KATNAL2: variants seen among roughly 807,000 people sequenced by gnomAD.
The protein encoded by KATNAL2 is katanin p60 ATPase-containing subunit A-like 2.
Under a neutral mutation model 76.3 loss-of-function variants are expected in KATNAL2, and 52 were observed. The ratio of observed to expected loss-of-function variants is 0.68; its 90% CI spans 0.55 to 0.86. The LOEUF is 0.86. Among genes scored for constraint, KATNAL2 ranks in the 40% least tolerant of loss-of-function variants. The probability of loss-of-function intolerance (pLI) is 0.00; values close to 1 mark genes in which losing one functional copy is unlikely to be tolerated. For synonymous variants in KATNAL2, 243 were observed against 244.2 expected, an observed-to-expected ratio of 1.00 and a Z score of 0.05; for missense variants, 660 against 668.9, an observed-to-expected ratio of 0.99 and a Z score of 0.15.
At chr18:47,093,401 CTT>C (rs557793941) in intron 15 of KATNAL2, among the ~76,000 whole-genome samples, 47 of 127,678 alleles carry the variant, frequency 3.7e-4, no homozygotes, top group Middle Eastern at 4.1e-3. Flanking sequence ...TTTCTCTGTC[CTT>C]TTTTTTTTTT....
chr18:47,082,254 C>T (rs1309462303), intron 15 of KATNAL2, among the ~76,000 whole-genome samples: 1 of 152,164 alleles, frequency 6.6e-6, no homozygotes, highest in East Asian at 1.9e-4. Flanking sequence ...TGGGACTGTC[C>T]TGTGCATTGA....
chr18:47,032,934 C>T (rs1214237174), intron 3 of KATNAL2: 12 of 1,611,020 alleles, frequency 7.4e-6, no homozygotes, highest in South Asian at 1.1e-5. Context: ...AAGTTTCGTT[C>T]CCCAACCCGC....
chr18:46,935,567 G>T (rs991897657), intron 1 of KATNAL2, among the ~76,000 whole-genome samples: 1 of 152,074 alleles, frequency 6.6e-6, no homozygotes, highest in African/African-American at 2.4e-5. Flanking sequence ...CGTACTACAG[G>T]CATGTGCCAC....
chr18:47,063,379 A>G lies in KATNAL2; in HGVS notation c.726+18A>G, dbSNP rs771246756. ...TGAGCCGGGTAAGATCTGATATTCA[A>G]TTCACAAATTTATGGAGGCAGGCTG... On this transcript the variant is annotated intron_variant, in intron 10 of 17. Coordinates refer to ENST00000683218, the MANE Select transcript of KATNAL2 (RefSeq NM_001387690.1). 1.6e-5 allele frequency: 25 copies of G among 1,606,246 alleles called. No homozygotes were observed. Among genetic ancestry groups the G allele is most frequent in the Non-Finnish European group, 2.1e-5 (25 of 1,174,340 alleles).
chr18:47,048,063 G>A (rs2061217434), intron 4 of KATNAL2, among the ~76,000 whole-genome samples: 1 of 152,110 alleles, frequency 6.6e-6, no homozygotes, highest in Non-Finnish European at 1.5e-5. Flanking sequence ...ACTGCTTAGA[G>A]GTCTTTTTGG....
At chr18:47,069,353 C>G (rs2061918527) in intron 12 of KATNAL2, 70 bp downstream of exon 12, 7 of 1,420,900 alleles carry the variant, frequency 4.9e-6, no homozygotes, top group African/African-American at 4.2e-5. Context: ...CCCTTCTGTC[C>G]TCACTTCAGG....
At chr18:47,100,212 A>G (rs1216853296) in intron 16 of KATNAL2, 42 bp from the exon 17 acceptor site, 1 of 1,424,232 alleles carries the variant, frequency 7.0e-7, no homozygotes, top group East Asian at 2.3e-5. Flanking sequence ...GGCCAGGAGC[A>G]TTCTGCCCAC....
chr18:47,046,943 C>CT lies in KATNAL2; in HGVS notation c.122+425dup, dbSNP rs200863941. ...CCTGCCCCAACAACCCAGACATACACTTTTTTTTTCTTTTGAGACAGTGTC... is the reference window on the plus strand; with the variant it reads ...CCTGCCCCAACAACCCAGACATACACTTTTTTTTTTCTTTTGAGACAGTGTC... On this transcript the variant is annotated intron_variant, in intron 4 of 17. Transcript: ENST00000683218. Among the ~76,000 whole-genome samples the CT allele has an allele frequency of 1.8e-3, 277 of 151,868 alleles. 1 individual carries two copies. The highest frequency in any genetic ancestry group is 7.0e-3 in the East Asian group (36 of 5,170).
chr18:47,072,815 A>G (rs1314598432), intron 13 of KATNAL2, among the ~76,000 whole-genome samples: 2 of 152,150 alleles, frequency 1.3e-5, no homozygotes, highest in Non-Finnish European at 2.9e-5. Flanking sequence ...CCAACTTAAT[A>G]TATATAACTT....
intron 8 of KATNAL2, among the ~76,000 whole-genome samples, chr18:47,061,227 T>C (rs1224295354): frequency 6.6e-6 from 1 of 152,220 alleles, no homozygotes; most frequent in Admixed American, 6.5e-5. Flanking sequence ...GAGTAGTTTA[T>C]AAAGAAAAGA....
In KATNAL2 at chr18:47,069,562, G is replaced by T. The variant is rs1270506587; in HGVS notation, c.970G>T (p.Val324Phe). 1.2e-6 allele frequency: 2 copies of T among 1,613,862 alleles called. No individual in the cohort carries two copies. The highest frequency in any genetic ancestry group is 1.7e-5 in the Admixed American group (1 of 59,972). Residue 324 changes from valine to phenylalanine, a missense_variant, in exon 13 of 18, where the codon GTC becomes TTC. Val to Phe is a conservative substitution (Grantham distance 50). Coordinates refer to ENST00000683218, the MANE Select transcript of KATNAL2 (RefSeq NM_001387690.1). ...CTTTAACATTTCTGCATCCACCATT[G>T]TCAGCAAATGGAGAGGGGATTCAGA... The part of the protein sequence containing the change: ...TFFNISASTI[V>F]SKWRGDSEKL...
At chr18:46,962,052 A>C (rs181787753) in intron 3 of KATNAL2, among the ~76,000 whole-genome samples, 10 of 152,352 alleles carry the variant, frequency 6.6e-5, no homozygotes, top group Non-Finnish European at 8.8e-5. Flanking sequence ...CAAAAATATA[A>C]TATGAGGAAA....
chr18:46,922,222 C>A (rs2058589142), intron 1 of KATNAL2, among the ~76,000 whole-genome samples: 1 of 151,698 alleles, frequency 6.6e-6, no homozygotes, highest in Admixed American at 6.6e-5. Flanking sequence ...ACCTCAGCCT[C>A]CCAAGTAGCT....
chr18:47,100,301 A>G lies in KATNAL2; in HGVS notation c.1422A>G (p.Glu474=), dbSNP rs757814159. 5 of 1,614,170 alleles carry G rather than the reference A, an allele frequency of 3.1e-6. No individual in the cohort carries two copies. Among genetic ancestry groups the G allele is most frequent in the Non-Finnish European group, 3.4e-6 (4 of 1,180,006 alleles). The change falls in exon 17 of 18, where the codon GAA becomes GAG. Residue 474 remains glutamate, a synonymous_variant. Coordinates refer to ENST00000683218, the MANE Select transcript of KATNAL2 (RefSeq NM_001387690.1). ...SGSDIKLVCR[E]AAMRPVRKIF... ...CAGATATTAAGCTCGTCTGCAGGGA[A>G]GCAGCCATGCGGCCCGTGAGGAAGA...
At position 47,034,163 on chromosome 18, in the gene KATNAL2, C is replaced by T; in HGVS notation, c.52-12294C>T. ...AATTCCTCAGCCATATCTACCTCCT[C>T]CACCTCAGAGAGGGAGCTCACGGAC... On this transcript the variant is annotated intron_variant, in intron 3 of 17. Transcript: ENST00000683218. The T allele has an allele frequency of 1.9e-6, 3 of 1,614,226 alleles. No individual in the cohort carries two copies. The South Asian group carries it at 3.3e-5, about 18-fold the overall frequency.
chr18:47,031,967 T>C lies in KATNAL2; in HGVS notation c.52-14490T>C, dbSNP rs538658270. ...TGAGGCCAACAAATGCCCTGCTTTA[T>C]AATGAAAAGTTTTAAGAAAGCTAGC... On this transcript the variant is annotated intron_variant, in intron 3 of 17. Coordinates refer to ENST00000683218, the MANE Select transcript of KATNAL2 (RefSeq NM_001387690.1). 1.8e-4 allele frequency among the ~76,000 whole-genome samples: 27 copies of C among 152,312 alleles called. No homozygotes were observed. In the East Asian group the frequency reaches 5.2e-3, roughly 29 times the overall value.
At chr18:46,958,127 GT>G (rs369930015) in intron 3 of KATNAL2, among the ~76,000 whole-genome samples, 9 of 148,260 alleles carry the variant, frequency 6.1e-5, no homozygotes, top group African/African-American at 1.7e-4. Context: ...ACAGCGTTTT[GT>G]TTTTTTTTTC....
chr18:47,082,260 A>C (rs574363307), intron 15 of KATNAL2, among the ~76,000 whole-genome samples: 1 of 152,206 alleles, frequency 6.6e-6, no homozygotes, highest in African/African-American at 2.4e-5. Context: ...TGTCCTGTGC[A>C]TTGATGATGT....
At chr18:47,034,707 G>C (rs61745190) in intron 3 of KATNAL2, 175 of 1,612,904 alleles carry the variant, frequency 1.1e-4, no homozygotes, top group Admixed American at 7.2e-4. Context: ...CGGGCGCAGC[G>C]GGCTCAGGGC....
Sources: gnomAD v4.1 joint callset for allele counts (sites outside exome capture counted in the v4.1 genomes callset) on GRCh38, gnomAD v4.1.1 for gene constraint, MANE v1.5 for transcripts, NCBI Gene and HGNC (gene_info 2026-07-23, HGNC 2026-07-21) for gene names.